Variants in EPHB1 observed in about 807,000 individuals in gnomAD.
EPHB1 encodes ephrin type-B receptor 1.
A neutral mutation model predicts 94.4 loss-of-function variants in EPHB1; 30 were observed. The ratio of observed to expected loss-of-function variants is 0.32; its 90% CI spans 0.24 to 0.43. The LOEUF (loss-of-function observed/expected upper bound fraction) is 0.43. Ranked by LOEUF, EPHB1 falls within the 20% of genes least tolerant of loss-of-function variation. The pLI, the probability that EPHB1 is intolerant of heterozygous loss-of-function variation, is 1.00. For synonymous variants in EPHB1, 522 were observed against 489.1 expected (o/e 1.07, Z -0.89); for missense variants, 1,055 against 1,308.3 (o/e 0.81, Z 2.99).
intron 1 of EPHB1, among the ~76,000 whole-genome samples, chr3:134,814,052 TGATG>T (rs1183468767): frequency 6.6e-6 from 1 of 151,986 alleles, no homozygotes; most frequent in Non-Finnish European, 1.5e-5. Flanking sequence ...ACTTAGTAAA[TGATG>T]GATGGATGGA....
At chr3:134,801,881 C>T (rs1222090780) in intron 1 of EPHB1, among the ~76,000 whole-genome samples, 1 of 152,180 alleles carries the variant, frequency 6.6e-6, no homozygotes, top group Non-Finnish European at 1.5e-5. Context: ...TTTTGTTGAT[C>T]ATTCCCCTGG....
intron 10 of EPHB1, among the ~76,000 whole-genome samples, chr3:135,189,508 A>C (rs2107708698): frequency 6.6e-6 from 1 of 152,372 alleles, no homozygotes; most frequent in Non-Finnish European, 1.5e-5. Context: ...AATGCTCAAT[A>C]GTTTTTGAAC....
chr3:135,055,260 T>A (rs1228740654), intron 3 of EPHB1, among the ~76,000 whole-genome samples: 1 of 152,244 alleles, frequency 6.6e-6, no homozygotes, highest in African/African-American at 2.4e-5. Context: ...GCATAACACT[T>A]CAAAGAACAT....
intron 1 of EPHB1, among the ~76,000 whole-genome samples, chr3:134,810,245 C>T (rs1162694406): frequency 6.6e-6 from 1 of 150,666 alleles, no homozygotes; most frequent in Non-Finnish European, 1.5e-5. Flanking sequence ...TCTTTCCATT[C>T]ACGGGCTTGA....
At chr3:135,018,005 G>C (rs192207321) in intron 3 of EPHB1, among the ~76,000 whole-genome samples, 4 of 152,246 alleles carry the variant, frequency 2.6e-5, no homozygotes, top group East Asian at 1.9e-4. Flanking sequence ...GACTGTGAGG[G>C]GGGGCATGAT....
chr3:134,856,359 G>A (rs1321770627), intron 1 of EPHB1, among the ~76,000 whole-genome samples: 2 of 152,180 alleles, frequency 1.3e-5, no homozygotes, highest in African/African-American at 4.8e-5. Context: ...GGGGGCAGGA[G>A]CTGACAGCCA....
chr3:135,080,162 G>A (rs1379005483), intron 3 of EPHB1, among the ~76,000 whole-genome samples: 1 of 152,188 alleles, frequency 6.6e-6, no homozygotes, highest in Non-Finnish European at 1.5e-5. Context: ...ATTGGGAAAG[G>A]GAGAAAGGGG....
Position 134,942,366 on chromosome 3 carries a change from C to T in EPHB1, c.124-9005C>T, listed in dbSNP as rs2039136689. On this transcript the variant is annotated intron_variant, in intron 2 of 15. Transcript: ENST00000398015. ...AGTTACTTGGAGGGTAAAGAGAATT[C>T]AATGACGAAACAGAAGGGGAGGGCT... Among the ~76,000 whole-genome samples, 3 of 152,092 alleles carry T rather than the reference C, an allele frequency of 2.0e-5. No homozygotes were observed. In the South Asian group the frequency reaches 6.2e-4, roughly 32 times the overall value.
chr3:134,878,897 C>T (rs145261209), intron 1 of EPHB1, among the ~76,000 whole-genome samples: 220 of 152,288 alleles, frequency 1.4e-3, no homozygotes, highest in African/African-American at 5.1e-3. Flanking sequence ...AAATAACACT[C>T]GCTCTTACTA....
intron 3 of EPHB1, among the ~76,000 whole-genome samples, chr3:135,040,101 T>TCAA (rs1936786400): frequency 1.3e-5 from 2 of 152,166 alleles, no homozygotes; most frequent in African/African-American, 4.8e-5. Flanking sequence ...TCTTTGTAGA[T>TCAA]AACAAAAATT....
chr3:134,970,959 T>C (rs960290118), intron 3 of EPHB1, among the ~76,000 whole-genome samples: 2 of 152,234 alleles, frequency 1.3e-5, no homozygotes, highest in Admixed American at 6.5e-5. Context: ...CTCACCCCGA[T>C]ACCTCTTGAA....
chr3:135,118,008 C>T (rs1176278045), intron 4 of EPHB1, among the ~76,000 whole-genome samples: 1 of 152,204 alleles, frequency 6.6e-6, no homozygotes, highest in East Asian at 1.9e-4. Flanking sequence ...CCTGCCAGTA[C>T]TCCATGAGCA....
Position 135,088,429 on chromosome 3 carries a change from T to C in EPHB1, c.806-18019T>C, listed in dbSNP as rs556909775. Among the ~76,000 whole-genome samples the C allele has an allele frequency of 7.8e-4, 119 of 152,390 alleles. 4 individuals are homozygous for C. The South Asian group carries it at 0.023, about 30-fold the overall frequency. ...AAGAAATGTTACGATTACATTTGTC[T>C]GTAAGGAACATAAAAATGAAAGATA... On this transcript the variant is annotated intron_variant, in intron 3 of 15. Transcript: ENST00000398015.
At chr3:134,875,860 C>A (rs1297386047) in intron 1 of EPHB1, among the ~76,000 whole-genome samples, 1 of 152,184 alleles carries the variant, frequency 6.6e-6, no homozygotes, top group Non-Finnish European at 1.5e-5. Context: ...ATCTCCTCCA[C>A]CCCCTCAGTA....
intron 1 of EPHB1, among the ~76,000 whole-genome samples, chr3:134,874,311 A>G (rs922607145): frequency 2.0e-5 from 3 of 152,122 alleles, no homozygotes; most frequent in African/African-American, 7.2e-5. Context: ...GTGGGAGTTG[A>G]ACATTGAGAA....
intron 12 of EPHB1, among the ~76,000 whole-genome samples, chr3:135,205,717 T>G (rs2107714456): frequency 6.6e-6 from 1 of 152,316 alleles, no homozygotes; most frequent in South Asian, 2.1e-4. Flanking sequence ...GTACATTTGC[T>G]TTATCATGTA....
intron 1 of EPHB1, among the ~76,000 whole-genome samples, chr3:134,868,675 A>T (rs900985296): frequency 6.6e-6 from 1 of 152,224 alleles, no homozygotes; most frequent in African/African-American, 2.4e-5. Flanking sequence ...GAGACCTACT[A>T]TGTGTCAGGT....
chr3:135,106,331 C>A, intron 3 of EPHB1, 117 bp from the exon 4 acceptor site: 3 of 1,128,030 alleles, frequency 2.7e-6, no homozygotes, highest in South Asian at 1.5e-5. Context: ...TCCCTTGGTA[C>A]GAGAGGGGCA....
At chr3:134,917,487 TC>T (rs1236501124) in intron 1 of EPHB1, among the ~76,000 whole-genome samples, 1 of 152,222 alleles carries the variant, frequency 6.6e-6, no homozygotes, top group African/African-American at 2.4e-5. Flanking sequence ...CTAGGGCCTG[TC>T]CCAACTCCTT....
Sources: allele counts gnomAD v4.1 joint callset (sites outside exome capture counted in the v4.1 genomes callset), GRCh38; gene constraint gnomAD v4.1.1; transcripts MANE v1.5; gene names NCBI Gene and HGNC (gene_info 2026-07-23, HGNC 2026-07-21).